Variants in NRDC observed in about 807,000 individuals in gnomAD.
NRDC encodes nardilysin.
NRDC carries 54 observed loss-of-function variants against 147.1 expected under a neutral mutation model. That is an observed-to-expected ratio of 0.37 (90% CI 0.29 to 0.46). The LOEUF (loss-of-function observed/expected upper bound fraction) is 0.46, where lower values mean the gene tolerates loss of function less well. Among genes scored for constraint, NRDC ranks in the 20% least tolerant of loss-of-function variants. The probability of loss-of-function intolerance (pLI) is 1.00; values close to 1 mark genes in which losing one functional copy is unlikely to be tolerated. For missense variants in NRDC, 1,082 were observed against 1,370.6 expected (o/e 0.79, Z 3.33); for synonymous variants, 440 against 482.1 (o/e 0.91, Z 1.14).
intron 1 of NRDC, among the ~76,000 whole-genome samples, chr1:51,845,107 C>T (rs1557926020): frequency 6.6e-6 from 1 of 152,158 alleles, no homozygotes; most frequent in Non-Finnish European, 1.5e-5. Flanking sequence ...TTTACCTCTC[C>T]AACCTTCTTT....
rs1319960981 is a variant in NRDC, at chr1:51,789,594, G to A, written c.3232C>T (p.Pro1078Ser). 1 of 1,613,714 alleles carries A rather than the reference G, an allele frequency of 6.2e-7. No homozygotes were observed. The highest frequency in any genetic ancestry group is 8.5e-7 in the Non-Finnish European group (1 of 1,179,634). ...TGAACGCTGAGCATTTTACTTCCTG[G>A]CCCTCTATGGGCCTTGAACCAGTTG... ...LVNWFKAHRG[P>S]GSKMLSVHVV... The change falls in exon 30 of 31, where the codon CCA (proline) becomes TCA (serine). Residue 1078 changes from proline (P) to serine (S), a missense_variant. Around this residue, in one of 3 missense-constraint regions of NRDC, gnomAD observed 187 missense variants for 193.6 expected, o/e 0.97. Coordinates refer to ENST00000352171, the MANE Select transcript of NRDC (RefSeq NM_001101662.2).
intron 1 of NRDC, among the ~76,000 whole-genome samples, chr1:51,848,398 G>A (rs919039929): frequency 1.4e-4 from 21 of 152,084 alleles, no homozygotes; most frequent in African/African-American, 4.8e-4. Flanking sequence ...GGAGAATGGC[G>A]TGAACCCGGG....
intron 1 of NRDC, among the ~76,000 whole-genome samples, chr1:51,845,802 A>G (rs1571896822): frequency 6.6e-6 from 1 of 152,194 alleles, no homozygotes; most frequent in East Asian, 1.9e-4. Flanking sequence ...CTTCACAGCT[A>G]TATCCTGGGA....
At chr1:51,871,375 T>A (rs1683076975) in intron 1 of NRDC, among the ~76,000 whole-genome samples, 1 of 151,826 alleles carries the variant, frequency 6.6e-6, no homozygotes. Flanking sequence ...GGTTTCTGCC[T>A]CCATACCATT....
chr1:51,819,506 G>A (rs1680119234), intron 9 of NRDC, among the ~76,000 whole-genome samples: 1 of 152,100 alleles, frequency 6.6e-6, no homozygotes, highest in Non-Finnish European at 1.5e-5. Context: ...TAAATAAAAT[G>A]AAACATGAAT....
intron 1 of NRDC, among the ~76,000 whole-genome samples, chr1:51,865,232 G>C (rs970458099): frequency 6.6e-6 from 1 of 151,260 alleles, no homozygotes; most frequent in Admixed American, 6.6e-5. Flanking sequence ...GAGAAATCCT[G>C]ATGTCTACAA....
At chr1:51,790,798 TG>T in intron 28 of NRDC, 101 bp downstream of exon 28, 1 of 1,011,298 alleles carries the variant, frequency 9.9e-7, no homozygotes, top group Non-Finnish European at 1.5e-6. Flanking sequence ...AAGAGGAAGG[TG>T]GGGCTGCAAA....
intron 10 of NRDC, among the ~76,000 whole-genome samples, chr1:51,817,598 G>C (rs1398370274): frequency 6.6e-6 from 1 of 152,150 alleles, no homozygotes; most frequent in Non-Finnish European, 1.5e-5. Context: ...CTGGAGTGCA[G>C]TGGCGCAATA....
intron 10 of NRDC, among the ~76,000 whole-genome samples, chr1:51,817,305 A>T (rs1021804113): frequency 1.2e-5 from 1 of 82,056 alleles, no homozygotes; most frequent in African/African-American, 4.5e-5. Flanking sequence ...CTTGAGCCCC[A>T]CCCCCCCTCC....
In NRDC at chr1:51,840,217, G is replaced by T; in HGVS notation, c.630+9C>A. On this transcript the variant is annotated intron_variant, in intron 2 of 30. Coordinates refer to ENST00000352171, the MANE Select transcript of NRDC (RefSeq NM_001101662.2). ...TCCCAAATTAGAAGAAAACAGACAT[G>T]ACTCGCACCTGTTTTTCAGTAGTTT... The T allele has an allele frequency of 1.3e-6, 2 of 1,582,412 alleles. No homozygotes were observed. The highest frequency in any genetic ancestry group is 2.4e-5 in the South Asian group (2 of 84,092).
intron 1 of NRDC, among the ~76,000 whole-genome samples, chr1:51,874,512 G>T (rs1378578158): frequency 1.3e-5 from 2 of 152,100 alleles, no homozygotes; most frequent in African/African-American, 4.8e-5. Context: ...GAGAGCCTGA[G>T]GTGGAAGGAT....
At position 51,794,599 on chromosome 1, in the gene NRDC, A is replaced by T. The variant is rs1184139356; in HGVS notation, c.2648T>A (p.Phe883Tyr). 6.2e-7 allele frequency: 1 copy of T among 1,614,014 alleles called. No homozygotes were observed. Among genetic ancestry groups the T allele is most frequent in the African/African-American group, 1.3e-5 (1 of 74,924 alleles). ...AGGCATCTCCTGCTCCAGAGGCTTGAAGTTTAGTTTGCTGCAAGAGAATCA... is the reference window on the plus strand; with the variant it reads ...AGGCATCTCCTGCTCCAGAGGCTTGTAGTTTAGTTTGCTGCAAGAGAATCA... ...FLKYVVDKLN[F>Y]KPLEQEMPVQ... Residue 883 changes from phenylalanine (F) to tyrosine (Y), a missense_variant, in exon 24 of 31, where the codon TTC becomes TAC. This residue lies in a region of NRDC where 635 missense variants were observed against 923.8 expected (regional missense o/e 0.69). Coordinates refer to ENST00000352171, the MANE Select transcript of NRDC (RefSeq NM_001101662.2).
intron 4 of NRDC, among the ~76,000 whole-genome samples, chr1:51,828,189 C>T (rs895488919): frequency 6.6e-5 from 10 of 152,236 alleles, no homozygotes; most frequent in Admixed American, 6.5e-4. Context: ...ACCCTTACCT[C>T]AAGAAATATC....
intron 29 of NRDC, among the ~76,000 whole-genome samples, chr1:51,789,978 G>T (rs959166559): frequency 6.6e-6 from 1 of 152,190 alleles, no homozygotes; most frequent in Non-Finnish European, 1.5e-5. Context: ...ACCACGGCTT[G>T]AGGAAATCTA....
chr1:51,861,330 C>T (rs1303688375), intron 1 of NRDC, among the ~76,000 whole-genome samples: 10 of 98,288 alleles, frequency 1.0e-4, no homozygotes, highest in African/African-American at 1.9e-4. Context: ...ATCTCTTCTT[C>T]TTCTTTTTTT....
At chr1:51,845,740 T>C (rs964868263) in intron 1 of NRDC, among the ~76,000 whole-genome samples, 5 of 152,252 alleles carry the variant, frequency 3.3e-5, no homozygotes, top group African/African-American at 4.8e-5. Context: ...CTTGATTTTA[T>C]TTTCTGCCTG....
chr1:51,837,640 T>A, intron 2 of NRDC: 1 of 1,475,092 alleles, frequency 6.8e-7, no homozygotes, highest in Non-Finnish European at 9.1e-7. Context: ...AAATTCATAC[T>A]TGAGAATTTT....
At chr1:51,841,136 T>C (rs910940103) in intron 1 of NRDC, among the ~76,000 whole-genome samples, 9 of 152,216 alleles carry the variant, frequency 5.9e-5, no homozygotes, top group Non-Finnish European at 1.3e-4. Flanking sequence ...TTTGCTTTAC[T>C]GCCCAGGCTG....
Position 51,867,189 on chromosome 1 carries a change from C to CA in NRDC, c.341+11085dup, listed in dbSNP as rs71578086. Reference sequence around the variant, plus strand: ...GACAAAAAGCAAGAAATAAAGTAACCAAAAAAAAAGACTGAAAAGTATATC... The same window carrying CA: ...GACAAAAAGCAAGAAATAAAGTAACCAAAAAAAAAAGACTGAAAAGTATATC... On this transcript the variant is annotated intron_variant, in intron 1 of 30. Transcript: ENST00000352171. Among the ~76,000 whole-genome samples, 526 of 147,304 alleles carry CA rather than the reference C, an allele frequency of 3.6e-3. 7 individuals carry two copies. Among genetic ancestry groups the CA allele is most frequent in the East Asian group, 0.027 (138 of 5,082 alleles).
Sources: allele counts gnomAD v4.1 joint callset (sites outside exome capture counted in the v4.1 genomes callset), GRCh38; gene constraint gnomAD v4.1.1; regional missense constraint gnomAD v4.1.1; transcripts MANE v1.5; gene names NCBI Gene and HGNC (gene_info 2026-07-23, HGNC 2026-07-21).